The following CAMKMT variants were observed in gnomAD, a reference collection of about 807,000 sequenced individuals.
CAMKMT encodes calmodulin-lysine N-methyltransferase.
In CAMKMT, 53 loss-of-function variants were observed where a neutral mutation model predicts 48.0. That is an observed-to-expected ratio of 1.10 (90% confidence interval 0.89 to 1.39). The LOEUF (loss-of-function observed/expected upper bound fraction) is 1.39, where lower values mean the gene tolerates loss of function less well. Ranked by LOEUF, CAMKMT falls within the 40% of genes most tolerant of loss-of-function variation. The pLI is 0.00. For synonymous variants in CAMKMT, 165 were observed against 152.3 expected (o/e 1.08, Z -0.61); for missense variants, 428 against 402.7 (o/e 1.06, Z -0.54).
intron 3 of CAMKMT, among the ~76,000 whole-genome samples, chr2:44,649,472 A>G (rs889988818): frequency 6.6e-6 from 1 of 152,108 alleles, no homozygotes; most frequent in Admixed American, 6.6e-5. Flanking sequence ...GCAGAAAAAC[A>G]TACTGAGGTC....
At chr2:44,737,628 C>T (rs1028573906) in intron 7 of CAMKMT, among the ~76,000 whole-genome samples, 2 of 152,130 alleles carry the variant, frequency 1.3e-5, no homozygotes, top group African/African-American at 2.4e-5. Flanking sequence ...ACCTACTCCC[C>T]TTCAATTTTT....
chr2:44,440,755 C>T (rs1042500483), intron 3 of CAMKMT, among the ~76,000 whole-genome samples: 20 of 152,094 alleles, frequency 1.3e-4, no homozygotes, highest in Admixed American at 6.5e-5. Flanking sequence ...TAATTTTCCA[C>T]AGTAGTATCA....
At chr2:44,521,388 T>C (rs1671101288) in intron 3 of CAMKMT, among the ~76,000 whole-genome samples, 1 of 152,038 alleles carries the variant, frequency 6.6e-6, no homozygotes, top group Non-Finnish European at 1.5e-5. Flanking sequence ...AAGCGATTCC[T>C]GTGCCTCAGC....
chr2:44,645,795 T>C (rs1673698890), intron 3 of CAMKMT, among the ~76,000 whole-genome samples: 1 of 152,202 alleles, frequency 6.6e-6, no homozygotes, highest in African/African-American at 2.4e-5. Flanking sequence ...CGCTCCAGCC[T>C]GGGCAACAGA....
At chr2:44,505,842 CTTTATTTATTTATTTATTTATTTA>C (rs59024414) in intron 3 of CAMKMT, among the ~76,000 whole-genome samples, 6 of 148,326 alleles carry the variant, frequency 4.0e-5, no homozygotes, top group South Asian at 2.2e-4. Context: ...AGTTTATTTA[CTTTATTTATTTATTTATTTATTTA>C]TTTATTTATT....
At chr2:44,748,448 G>A (rs555760309) in intron 8 of CAMKMT, among the ~76,000 whole-genome samples, 1 of 151,976 alleles carries the variant, frequency 6.6e-6, no homozygotes, top group African/African-American at 2.4e-5. Flanking sequence ...GATATAAACC[G>A]AGTGTGGTCC....
intron 3 of CAMKMT, among the ~76,000 whole-genome samples, chr2:44,410,882 C>A (rs1452098575): frequency 6.6e-6 from 1 of 151,900 alleles, no homozygotes; most frequent in African/African-American, 2.4e-5. Flanking sequence ...AAAAATGAAG[C>A]AATTACTTTT....
rs190771387 is a variant in CAMKMT, at chr2:44,511,089, C to T, written c.376+120784C>T. Among the ~76,000 whole-genome samples the T allele has an allele frequency of 4.5e-3, 679 of 152,322 alleles. 6 individuals carry two copies. The highest frequency in any genetic ancestry group is 0.017 in the South Asian group (83 of 4,820). ...CTCCTCACCTCAAGTGATCTGCCCG[C>T]CTCAGCCTCCCAAAGTGCTGGGATT... is the stretch of plus-strand genomic sequence containing the variant. On this transcript the variant is annotated intron_variant, in intron 3 of 10. Transcript: ENST00000378494.
At chr2:44,731,156 C>G (rs1679058767) in intron 7 of CAMKMT, among the ~76,000 whole-genome samples, 1 of 152,206 alleles carries the variant, frequency 6.6e-6, no homozygotes, top group Admixed American at 6.5e-5. Flanking sequence ...GCCTGGCCAA[C>G]ATGGCGAAAC....
rs1668783605 is a variant in CAMKMT, at chr2:44,569,310, TATC to T, written c.377-134969_377-134967del. On this transcript the variant is annotated intron_variant, in intron 3 of 10. Coordinates refer to ENST00000378494, the MANE Select transcript of CAMKMT (RefSeq NM_024766.5). ...AAAGGTCTATAAATCAAGATGCAAA[TATC>T]ATCGGCTTCTTACAGGGTATTATAC... is the stretch of plus-strand genomic sequence containing the variant. Among the ~76,000 whole-genome samples the T allele has an allele frequency of 2.6e-5, 4 of 152,334 alleles. No homozygotes were observed. In the South Asian group the frequency reaches 8.3e-4, roughly 32 times the overall value.
chr2:44,627,824 C>T (rs1313486584), intron 3 of CAMKMT, among the ~76,000 whole-genome samples: 7 of 149,822 alleles, frequency 4.7e-5, no homozygotes, highest in South Asian at 2.1e-4. Flanking sequence ...CTCAGCCTCC[C>T]GAGTAGCTGG....
chr2:44,688,691 G>A, intron 3 of CAMKMT, among the ~76,000 whole-genome samples: 1 of 152,116 alleles, frequency 6.6e-6, no homozygotes, highest in South Asian at 2.1e-4. Flanking sequence ...GCTGTTAGAA[G>A]GGGAGGCAGT....
chr2:44,438,890 C>G (rs977890486), intron 3 of CAMKMT, among the ~76,000 whole-genome samples: 8 of 152,110 alleles, frequency 5.3e-5, no homozygotes, highest in Admixed American at 1.3e-4. Context: ...CTTATCTGCC[C>G]CTCCTACTGG....
chr2:44,493,367 T>C (rs931576705), intron 3 of CAMKMT, among the ~76,000 whole-genome samples: 2 of 152,190 alleles, frequency 1.3e-5, no homozygotes, highest in Non-Finnish European at 2.9e-5. Context: ...GCAAAACTTT[T>C]TGTTTTTAAG....
chr2:44,408,223 A>G (rs1336354527), intron 3 of CAMKMT, among the ~76,000 whole-genome samples: 1 of 151,694 alleles, frequency 6.6e-6, no homozygotes, highest in Non-Finnish European at 1.5e-5. Context: ...ATGGGGTTTC[A>G]CCATATTGGC....
intron 3 of CAMKMT, among the ~76,000 whole-genome samples, chr2:44,574,090 G>A (rs1247772319): frequency 1.3e-5 from 2 of 152,104 alleles, no homozygotes; most frequent in African/African-American, 4.8e-5. Flanking sequence ...AGTTTACCCA[G>A]GATTTGTTTT....
At chr2:44,686,756 G>A (rs1334381469) in intron 3 of CAMKMT, among the ~76,000 whole-genome samples, 3 of 152,190 alleles carry the variant, frequency 2.0e-5, no homozygotes, top group Admixed American at 6.5e-5. Flanking sequence ...CTAACCCTAT[G>A]CTCATGTATA....
intron 2 of CAMKMT, among the ~76,000 whole-genome samples, chr2:44,385,010 G>A (rs367665618): frequency 1.3e-5 from 2 of 151,862 alleles, no homozygotes; most frequent in Non-Finnish European, 1.5e-5. Context: ...TTTCTAATTC[G>A]GTGAAGAATG....
At chr2:44,740,236 C>T (rs1679599817) in intron 7 of CAMKMT, among the ~76,000 whole-genome samples, 1 of 151,216 alleles carries the variant, frequency 6.6e-6, no homozygotes, top group Non-Finnish European at 1.5e-5. Flanking sequence ...TCAGATGATC[C>T]TCCCACCTTA....
Sources: allele counts gnomAD v4.1 joint callset (sites outside exome capture counted in the v4.1 genomes callset), GRCh38; gene constraint gnomAD v4.1.1; transcripts MANE v1.5; gene names NCBI Gene and HGNC (gene_info 2026-07-23, HGNC 2026-07-21).